GRM7: variants seen among roughly 807,000 people sequenced by gnomAD.
The protein encoded by GRM7 is glutamate metabotropic receptor 7, also known as metabotropic glutamate receptor 7.
In GRM7, 35 loss-of-function variants were observed where a neutral mutation model predicts 84.5. The observed-to-expected ratio is 0.41, with a 90% confidence interval of 0.32 to 0.55. The LOEUF is 0.55. Among genes scored for constraint, GRM7 ranks in the 20% least tolerant of loss-of-function variants. The pLI, the probability that GRM7 is intolerant of heterozygous loss-of-function variation, is 0.19. For synonymous variants in GRM7, 487 were observed against 455.1 expected (o/e 1.07, Z -0.89); for missense variants, 1,003 against 1,194.6 (o/e 0.84, Z 2.36).
chr3:7,048,710 C>A (rs1204001720), intron 1 of GRM7, among the ~76,000 whole-genome samples: 2 of 151,934 alleles, frequency 1.3e-5, no homozygotes, highest in Admixed American at 1.3e-4. Flanking sequence ...ATATGCATTA[C>A]CTGACATACT....
At chr3:7,299,444 G>C (rs1270714726) in intron 3 of GRM7, among the ~76,000 whole-genome samples, 1 of 152,028 alleles carries the variant, frequency 6.6e-6, no homozygotes, top group Non-Finnish European at 1.5e-5. Flanking sequence ...CTTATTTTTA[G>C]AATTTTTAGA....
intron 2 of GRM7, among the ~76,000 whole-genome samples, chr3:7,195,545 A>T (rs1695849698): frequency 6.6e-6 from 1 of 152,146 alleles, no homozygotes; most frequent in South Asian, 2.1e-4. Flanking sequence ...GACTATATGT[A>T]GTTGGTATGC....
intron 7 of GRM7, among the ~76,000 whole-genome samples, chr3:7,529,854 CTGTTGTTGTTGT>C (rs536908211): frequency 0.016 from 2,380 of 150,784 alleles, 28 homozygotes; most frequent in Non-Finnish European, 0.023. Flanking sequence ...AACAAATAAG[CTGTTGTTGTTGT>C]TGTTGTTGTT....
In GRM7 at chr3:7,388,498, T is replaced by A. The variant is rs191454581; in HGVS notation, c.1034-26525T>A. Among the ~76,000 whole-genome samples, 629 of 152,258 alleles carry A rather than the reference T, an allele frequency of 4.1e-3. 1 individual carries two copies. Among genetic ancestry groups the A allele is most frequent in the Non-Finnish European group, 5.4e-3 (364 of 67,984 alleles). The stretch of plus-strand genomic sequence containing the variant: ...AGTCTCTCCTTCTCAATTTTTTGGA[T>A]TATTTTCAGTAGGGATGGTACCAAT... On this transcript the variant is annotated intron_variant, in intron 4 of 9. Coordinates refer to ENST00000357716, the MANE Select transcript of GRM7 (RefSeq NM_000844.4).
At chr3:7,645,597 A>G (rs927544404) in intron 8 of GRM7, among the ~76,000 whole-genome samples, 3 of 150,598 alleles carry the variant, frequency 2.0e-5, no homozygotes, top group African/African-American at 4.9e-5. Context: ...TACATTCCCT[A>G]TCTCCCTAAA....
At chr3:7,117,159 G>A (rs187247125) in intron 1 of GRM7, among the ~76,000 whole-genome samples, 144 of 152,212 alleles carry the variant, frequency 9.5e-4, no homozygotes, top group African/African-American at 3.1e-3. Flanking sequence ...GGGAAACCCC[G>A]CAGTGGCAGC....
intron 2 of GRM7, among the ~76,000 whole-genome samples, chr3:7,240,684 A>C (rs973585158): frequency 7.9e-5 from 12 of 152,022 alleles, no homozygotes; most frequent in Admixed American, 7.9e-4. Context: ...CTCTCTACTG[A>C]CTGTCAATCC....
chr3:7,569,876 G>A (rs1365317578), intron 7 of GRM7, among the ~76,000 whole-genome samples: 9 of 152,196 alleles, frequency 5.9e-5, no homozygotes, highest in Non-Finnish European at 8.8e-5. Context: ...AACAAACTCC[G>A]GACACGCCGC....
intron 7 of GRM7, among the ~76,000 whole-genome samples, chr3:7,529,110 A>G (rs1008918261): frequency 6.6e-6 from 1 of 152,078 alleles, no homozygotes; most frequent in African/African-American, 2.4e-5. Flanking sequence ...GGGGTGTTGA[A>G]GTCTGGAAAC....
At chr3:6,873,717 G>T (rs1398598700) in intron 1 of GRM7, among the ~76,000 whole-genome samples, 1 of 152,162 alleles carries the variant, frequency 6.6e-6, no homozygotes, top group Non-Finnish European at 1.5e-5. Flanking sequence ...CCTAACTCCA[G>T]TTCCTGTCAT....
chr3:7,637,840 C>A (rs1322307332), intron 8 of GRM7, among the ~76,000 whole-genome samples: 1 of 152,154 alleles, frequency 6.6e-6, no homozygotes, highest in Non-Finnish European at 1.5e-5. Flanking sequence ...TTCTGAGCAG[C>A]CTCTCCCACA....
intron 1 of GRM7, among the ~76,000 whole-genome samples, chr3:6,969,516 TGTG>T (rs1435510596): frequency 6.6e-6 from 1 of 152,216 alleles, no homozygotes; most frequent in Non-Finnish European, 1.5e-5. Flanking sequence ...GTGCCCCCAC[TGTG>T]GCTCCTTTCA....
intron 2 of GRM7, among the ~76,000 whole-genome samples, chr3:7,239,829 C>G (rs566484824): frequency 6.6e-6 from 1 of 152,054 alleles, no homozygotes; most frequent in South Asian, 2.1e-4. Context: ...TCTATCAAGG[C>G]TTTGATTCTT....
chr3:6,932,751 C>CA (rs1697550577), intron 1 of GRM7, among the ~76,000 whole-genome samples: 2 of 93,814 alleles, frequency 2.1e-5, no homozygotes, highest in Admixed American at 2.5e-4. Context: ...TTCTTTCTCT[C>CA]TTTTTTTTTT....
chr3:7,245,840 T>G (rs560506005), intron 2 of GRM7, among the ~76,000 whole-genome samples: 2 of 152,262 alleles, frequency 1.3e-5, no homozygotes, highest in Admixed American at 6.6e-5. Context: ...ATAATAGTGA[T>G]GCATTTTGAG....
chr3:7,646,146 T>C (rs576149352), intron 8 of GRM7, among the ~76,000 whole-genome samples: 2 of 152,218 alleles, frequency 1.3e-5, no homozygotes, highest in African/African-American at 2.4e-5. Flanking sequence ...TTTTCCCTTC[T>C]TCTAATGTGT....
intron 2 of GRM7, among the ~76,000 whole-genome samples, chr3:7,228,150 T>G (rs1016536007): frequency 6.6e-6 from 1 of 152,112 alleles, no homozygotes; most frequent in Admixed American, 6.6e-5. Flanking sequence ...TTCAGACCTG[T>G]GGGTAAGGTG....
rs1024170188 is a variant in GRM7 at position 6,983,834 on chromosome 3, CA to C, written c.519+121931del. Among the ~76,000 whole-genome samples, 3 of 151,718 alleles carry C rather than the reference CA, an allele frequency of 2.0e-5. No individual in the cohort carries two copies. In the East Asian group the frequency reaches 5.8e-4, roughly 29 times the overall value. On this transcript the variant is annotated intron_variant, in intron 1 of 9. Transcript: ENST00000357716. The stretch of plus-strand genomic sequence containing the variant: ...TTTTTGTTTTCAGTGTTCTGAGTGC[CA>C]AAATATTAATAGATCTTACTAAAGA...
At chr3:7,632,308 A>G (rs1697891962) in intron 8 of GRM7, among the ~76,000 whole-genome samples, 1 of 152,174 alleles carries the variant, frequency 6.6e-6, no homozygotes, top group Non-Finnish European at 1.5e-5. Flanking sequence ...TGGAGTGGGC[A>G]TGAGTAGCCA....
Sources: allele counts gnomAD v4.1 joint callset (sites outside exome capture counted in the v4.1 genomes callset), GRCh38; gene constraint gnomAD v4.1.1; transcripts MANE v1.5; gene names NCBI Gene and HGNC (gene_info 2026-07-23, HGNC 2026-07-21).